Variants in ANKH observed in about 807,000 individuals in gnomAD.
ANKH encodes the protein mineralization regulator ANKH.
A neutral mutation model predicts 49.0 loss-of-function variants in ANKH; 15 were observed. That is an observed-to-expected ratio of 0.31 (90% confidence interval 0.20 to 0.47). The LOEUF is 0.47. Ranked by LOEUF, ANKH falls within the 20% of genes least tolerant of loss-of-function variation. The pLI is 1.00. For synonymous variants in ANKH, 273 were observed against 260.0 expected (o/e 1.05, Z -0.48); for missense variants, 429 against 652.0 (o/e 0.66, Z 3.72).
Position 14,716,714 on chromosome 5 carries a change from G to A in ANKH, c.1133C>T (p.Pro378Leu), listed in dbSNP as rs375741936. The A allele has an allele frequency of 1.9e-6, 3 of 1,614,044 alleles. No homozygotes were observed. Among genetic ancestry groups the A allele is most frequent in the Non-Finnish European group, 2.5e-6 (3 of 1,179,944 alleles). Residue 378 changes from proline to leucine, a missense_variant, in exon 9 of 12, where the codon CCA (proline) becomes CTA (leucine). By Grantham distance (98) the Pro-to-Leu change is moderately conservative (BLOSUM62 -3). Around this residue, in one of 2 missense-constraint regions of ANKH, gnomAD observed 378 missense variants for 615.3 expected, o/e 0.61. Transcript: ENST00000284268. ...ATTCTGTTTTTCTTTACCTGGAACT[G>A]GGAAGAAGGAGAAGATCCGCAAAGG... is the stretch of plus-strand genomic sequence containing the variant. ...VVPLRIFSFFPVPVTVRAHLT... is the reference protein window; with the variant it reads ...VVPLRIFSFFLVPVTVRAHLT...
At chr5:14,849,378 G>A (rs1029863127) in intron 1 of ANKH, among the ~76,000 whole-genome samples, 1 of 152,146 alleles carries the variant, frequency 6.6e-6, no homozygotes, top group Non-Finnish European at 1.5e-5. Context: ...TCCTCCTAAT[G>A]TTAGCTGTAT....
chr5:14,862,747 GTA>G (rs1554011173), intron 1 of ANKH, among the ~76,000 whole-genome samples: 5 of 152,198 alleles, frequency 3.3e-5, no homozygotes, highest in Non-Finnish European at 7.3e-5. Flanking sequence ...GGTGTTTCAC[GTA>G]TGTTTTCTTA....
chr5:14,797,992 G>A (rs61746622), intron 1 of ANKH: 1 of 1,561,324 alleles, frequency 6.4e-7, no homozygotes, highest in Non-Finnish European at 8.8e-7. Context: ...ATGATACAAG[G>A]GTTCTGGGGC....
At chr5:14,813,692 G>A (rs976234215) in intron 1 of ANKH, among the ~76,000 whole-genome samples, 4 of 152,116 alleles carry the variant, frequency 2.6e-5, no homozygotes, top group African/African-American at 9.7e-5. Context: ...CCTAATCTGT[G>A]TCTGCCACAG....
rs572673846 is a variant in ANKH at position 14,713,422 on chromosome 5, A to T, written c.1265+122T>A. ...TGCCTGGGCAGACACACAAAACATC[A>T]TTCTGAATTTCCGATTCTAGACGTG... On this transcript the variant is annotated intron_variant, in intron 10 of 11. Transcript: ENST00000284268. This position sits in a 1 kb window ranked among gnomAD's most constrained non-coding sequence, Gnocchi z 4.4. 1 of 1,401,696 alleles carries T rather than the reference A, an allele frequency of 7.1e-7. No individual in the cohort carries two copies. The highest frequency in any genetic ancestry group is 1.2e-5 in the South Asian group (1 of 80,630). 86.8% of individuals were successfully genotyped at this position (1,401,696 alleles called of 1,614,324 possible). A position where few individuals can be genotyped will look rare whatever the true frequency, so the allele number is the denominator to read the frequency against.
intron 8 of ANKH, among the ~76,000 whole-genome samples, chr5:14,726,953 G>A (rs1297130045): frequency 6.6e-6 from 1 of 152,248 alleles, no homozygotes; most frequent in Non-Finnish European, 1.5e-5. Context: ...GGGATGATGG[G>A]AGAGAGGGAT....
At chr5:14,837,884 C>A (rs1404555696) in intron 1 of ANKH, among the ~76,000 whole-genome samples, 1 of 151,966 alleles carries the variant, frequency 6.6e-6, no homozygotes, top group Non-Finnish European at 1.5e-5. Context: ...CAATGATAGA[C>A]TGGATTAAGA....
At chr5:14,815,714 T>G (rs890461710) in intron 1 of ANKH, among the ~76,000 whole-genome samples, 1 of 152,132 alleles carries the variant, frequency 6.6e-6, no homozygotes, top group African/African-American at 2.4e-5. Context: ...GAAAAAGGAA[T>G]GACAATGTAT....
intron 8 of ANKH, among the ~76,000 whole-genome samples, chr5:14,722,253 C>G (rs1262883665): frequency 2.6e-5 from 4 of 152,136 alleles, no homozygotes; most frequent in Non-Finnish European, 5.9e-5. Context: ...CCAGCACACA[C>G]CCCTAATAAT....
intron 7 of ANKH, among the ~76,000 whole-genome samples, chr5:14,743,931 A>C (rs1738446363): frequency 6.6e-6 from 1 of 152,212 alleles, no homozygotes; most frequent in African/African-American, 2.4e-5. Flanking sequence ...GGTGGCCAAA[A>C]ATAATCTCAG....
chr5:14,824,893 A>G (rs553132421), intron 1 of ANKH, among the ~76,000 whole-genome samples: 13 of 152,326 alleles, frequency 8.5e-5, no homozygotes, highest in African/African-American at 2.4e-4. Context: ...ACTTTGAAGA[A>G]CAAATGTGAT....
chr5:14,827,925 T>C (rs748817078), intron 1 of ANKH, among the ~76,000 whole-genome samples: 4 of 152,204 alleles, frequency 2.6e-5, no homozygotes, highest in Admixed American at 6.5e-5. Flanking sequence ...CAGGTAGGTG[T>C]AGGAGCCATA....
In ANKH at chr5:14,706,741, G is replaced by C. The variant is rs1736957355; in HGVS notation, c.*4456C>G. The stretch of plus-strand genomic sequence containing the variant: ...TTTAAGTGTGATTAGATCAGTTGAT[G>C]AGTCACATGATGTTTTTTGCTGCTT... On this transcript the variant is annotated 3_prime_UTR_variant, in exon 12 of 12. Coordinates refer to ENST00000284268, the MANE Select transcript of ANKH (RefSeq NM_054027.6). The C allele has an allele frequency of 6.6e-6, 1 of 152,208 alleles. No individual in the cohort carries two copies. Among genetic ancestry groups the C allele is most frequent in the African/African-American group, 2.4e-5 (1 of 41,452 alleles). 9.4% of individuals were successfully genotyped at this position (152,208 alleles called of 1,614,324 possible). A position where few individuals can be genotyped will look rare whatever the true frequency, so the allele number is the denominator to read the frequency against.
At chr5:14,790,430 T>C (rs964029023) in intron 1 of ANKH, among the ~76,000 whole-genome samples, 1 of 152,204 alleles carries the variant, frequency 6.6e-6, no homozygotes, top group Non-Finnish European at 1.5e-5. Context: ...CCACCTTCTA[T>C]GCAAACCACA....
intron 1 of ANKH, among the ~76,000 whole-genome samples, chr5:14,777,739 C>T (rs1739673403): frequency 1.3e-5 from 2 of 152,184 alleles, no homozygotes; most frequent in Admixed American, 6.5e-5. Flanking sequence ...GGTGGTAACC[C>T]CTCCTCGCTG....
At chr5:14,846,662 C>T (rs1741968837) in intron 1 of ANKH, among the ~76,000 whole-genome samples, 1 of 152,128 alleles carries the variant, frequency 6.6e-6, no homozygotes, top group Admixed American at 6.5e-5. Flanking sequence ...GTAGAGTGCA[C>T]ATACATTTGA....
chr5:14,786,541 C>T (rs996284009), intron 1 of ANKH, among the ~76,000 whole-genome samples: 3 of 152,092 alleles, frequency 2.0e-5, no homozygotes, highest in Non-Finnish European at 4.4e-5. Context: ...ACAGAGAAGC[C>T]GGCTCCCAGA....
intron 1 of ANKH, among the ~76,000 whole-genome samples, chr5:14,853,521 G>A (rs1253674579): frequency 1.3e-5 from 2 of 152,110 alleles, no homozygotes; most frequent in African/African-American, 4.8e-5. Flanking sequence ...AGGTCGCAGT[G>A]AGCTGAGATT....
chr5:14,716,628 T>C (rs2126414934), intron 9 of ANKH, 78 bp downstream of exon 9: 1 of 1,588,720 alleles, frequency 6.3e-7, no homozygotes, highest in South Asian at 1.1e-5. Flanking sequence ...GGTGACATAA[T>C]TGCAAACATT....
Sources: allele counts gnomAD v4.1 joint callset (sites outside exome capture counted in the v4.1 genomes callset), GRCh38; gene constraint gnomAD v4.1.1; regional missense constraint gnomAD v4.1.1; non-coding constraint Gnocchi (gnomAD v3.1); transcripts MANE v1.5; gene names NCBI Gene and HGNC (gene_info 2026-07-23, HGNC 2026-07-21).